RASGRP1: variants seen among roughly 807,000 people sequenced by gnomAD.
RASGRP1 encodes RAS guanyl releasing protein 1.
RASGRP1 carries 37 observed loss-of-function variants against 95.1 expected under a neutral mutation model. That is an observed-to-expected ratio of 0.39 (90% CI 0.30 to 0.51). The LOEUF is 0.51. Ranked by LOEUF, RASGRP1 falls within the 20% of genes least tolerant of loss-of-function variation. RASGRP1 has a pLI of 0.80. For synonymous variants in RASGRP1, 325 were observed against 353.4 expected, an observed-to-expected ratio of 0.92 and a Z score of 0.90; for missense variants, 711 against 965.4, an observed-to-expected ratio of 0.74 and a Z score of 3.49.
chr15:38,548,876 A>G (rs1291074956), intron 2 of RASGRP1, among the ~76,000 whole-genome samples: 2 of 152,228 alleles, frequency 1.3e-5, no homozygotes, highest in African/African-American at 4.8e-5. Flanking sequence ...TCTCAGGTAG[A>G]CACTGGTAGT....
At position 38,513,641 on chromosome 15, in the gene RASGRP1, G is replaced by C. The variant is rs117007309; in HGVS notation, c.676-685C>G. Among the ~76,000 whole-genome samples, 939 of 152,284 alleles carry C rather than the reference G, an allele frequency of 6.2e-3. 9 individuals are homozygous for C. Among genetic ancestry groups the C allele is most frequent in the Middle Eastern group, 0.014 (4 of 294 alleles). On this transcript the variant is annotated intron_variant, in intron 6 of 16. Transcript: ENST00000310803. ...GGTTTCCCAAGTTGACAATAGCATT[G>C]ACTACAGTTGGCAATGAAACAACAT...
intron 1 of RASGRP1, chr15:38,560,288 G>GC: frequency 2.2e-6 from 1 of 453,170 alleles, no homozygotes; most frequent in Non-Finnish European, 4.1e-6. Context: ...AATGGCAGAG[G>GC]CAAGACTATC....
intron 2 of RASGRP1, among the ~76,000 whole-genome samples, chr15:38,539,858 G>A (rs2141164392): frequency 6.6e-6 from 1 of 152,268 alleles, no homozygotes; most frequent in South Asian, 2.1e-4. Context: ...TACTGAGAAT[G>A]ATGATTTCCA....
intron 11 of RASGRP1, 94 bp downstream of exon 11, chr15:38,503,178 T>C: frequency 9.8e-7 from 1 of 1,023,530 alleles, no homozygotes; most frequent in South Asian, 1.5e-5. Context: ...TGCCTTTACA[T>C]TTCCACCATT....
intron 6 of RASGRP1, among the ~76,000 whole-genome samples, chr15:38,515,702 A>G (rs941522457): frequency 6.6e-6 from 1 of 151,074 alleles, no homozygotes; most frequent in Non-Finnish European, 1.5e-5. Flanking sequence ...CTATTTTGGG[A>G]TTTCCCAGAG....
intron 2 of RASGRP1, among the ~76,000 whole-genome samples, chr15:38,537,094 A>G (rs1387429447): frequency 2.0e-5 from 3 of 151,238 alleles, no homozygotes; most frequent in Non-Finnish European, 4.4e-5. Context: ...GACTGGAACC[A>G]TGATTTTTTT....
intron 6 of RASGRP1, among the ~76,000 whole-genome samples, chr15:38,514,128 G>A (rs891885894): frequency 6.6e-6 from 1 of 151,944 alleles, no homozygotes; most frequent in Non-Finnish European, 1.5e-5. Flanking sequence ...TGGGTGGGTG[G>A]GGGGTTATTA....
rs537073868 is a variant in RASGRP1 at position 38,512,542 on chromosome 15, TAAAA to T, written c.849+237_849+240del. ...AAAATGTTAAAGGTCTAAACAGATCTAAAACTGGATCCTGACCCCTGATATGGCC... is the reference window on the plus strand; with the variant it reads ...AAAATGTTAAAGGTCTAAACAGATCTCTGGATCCTGACCCCTGATATGGCC... On this transcript the variant is annotated intron_variant, in intron 7 of 16. Transcript: ENST00000310803. Among the ~76,000 whole-genome samples, 389 of 152,302 alleles carry T rather than the reference TAAAA, an allele frequency of 2.6e-3. 2 individuals are homozygous for T. Among genetic ancestry groups the T allele is most frequent in the African/African-American group, 9.1e-3 (377 of 41,568 alleles).
At position 38,507,830 on chromosome 15, in the gene RASGRP1, C is replaced by G; in HGVS notation, c.1138G>C (p.Val380Leu). The G allele has an allele frequency of 6.2e-7, 1 of 1,613,354 alleles. No homozygotes were observed. Among genetic ancestry groups the G allele is most frequent in the African/African-American group, 1.3e-5 (1 of 75,004 alleles). ...PDYLEDGKVN[V>L]HKLLALYNHI... ...TTGTATAGGGCCAGTAGCTTATGGACGTTCACTTTCCCGTCCTCCAGATAG... is the reference window on the plus strand; with the variant it reads ...TTGTATAGGGCCAGTAGCTTATGGAGGTTCACTTTCCCGTCCTCCAGATAG... The change falls in exon 9 of 17, where the codon GTC becomes CTC. Residue 380 changes from valine (V) to leucine (L), a missense_variant. Around this residue, in one of 3 missense-constraint regions of RASGRP1, gnomAD observed 491 missense variants for 676.6 expected, o/e 0.73. Coordinates refer to ENST00000310803, the MANE Select transcript of RASGRP1 (RefSeq NM_005739.4).
intron 12 of RASGRP1, chr15:38,501,536 T>C (rs554209313): frequency 1.6e-6 from 1 of 620,544 alleles, no homozygotes; most frequent in Non-Finnish European, 3.0e-6. Context: ...TTTCCCTAAC[T>C]AACTTGACCA....
intron 1 of RASGRP1, among the ~76,000 whole-genome samples, chr15:38,564,383 C>A (rs1178251053): frequency 9.2e-5 from 14 of 152,156 alleles, no homozygotes; most frequent in Admixed American, 9.2e-4. Flanking sequence ...CCTCTACCAC[C>A]CCTCAGCCCC....
At chr15:38,522,180 G>C (rs1197538742) in intron 3 of RASGRP1, among the ~76,000 whole-genome samples, 1 of 152,134 alleles carries the variant, frequency 6.6e-6, no homozygotes, top group East Asian at 1.9e-4. Context: ...TCTAGCGGGG[G>C]AGACGACACA....
intron 6 of RASGRP1, among the ~76,000 whole-genome samples, chr15:38,515,899 G>C (rs75774853): frequency 0.012 from 1,668 of 141,864 alleles, 20 homozygotes; most frequent in Non-Finnish European, 0.02. Context: ...GAGAGAGAGA[G>C]AGAGAGAGAG....
At chr15:38,535,732 G>A (rs4075804) in intron 2 of RASGRP1, among the ~76,000 whole-genome samples, 13,895 of 152,220 alleles carry the variant, frequency 0.091, 2,142 homozygotes, top group African/African-American at 0.32. Flanking sequence ...TGGATGAGCA[G>A]TTGAAGTCTA....
chr15:38,499,980 C>CT (rs1385453889), intron 14 of RASGRP1, 123 bp downstream of exon 14: 4 of 927,920 alleles, frequency 4.3e-6, no homozygotes, highest in Admixed American at 1.8e-5. Flanking sequence ...CTCACCAGCC[C>CT]TGTGGAACTG....
chr15:38,507,589 CTA>C, intron 9 of RASGRP1, 135 bp downstream of exon 9: 1 of 1,000,184 alleles, frequency 1.0e-6, no homozygotes, highest in Non-Finnish European at 1.4e-6. Context: ...GTATCCCTAG[CTA>C]TATGTTGGAG....
At chr15:38,502,766 C>G in intron 11 of RASGRP1, 1 of 248,558 alleles carries the variant, frequency 4.0e-6, no homozygotes, top group Non-Finnish European at 7.8e-6. Context: ...TGAGAAGCTT[C>G]TACAAACAGC....
chr15:38,539,966 G>GAGTGC (rs1892802274), intron 2 of RASGRP1, among the ~76,000 whole-genome samples: 1 of 152,024 alleles, frequency 6.6e-6, no homozygotes, highest in South Asian at 2.1e-4. Flanking sequence ...GCCCAGGCCG[G>GAGTGC]AGTGCAGTGG....
chr15:38,509,663 T>G (rs1053926717), intron 8 of RASGRP1, among the ~76,000 whole-genome samples: 1 of 152,108 alleles, frequency 6.6e-6, no homozygotes, highest in Non-Finnish European at 1.5e-5. Context: ...GAGGCGGAGA[T>G]TCCAGTGAGC....
Sources: allele counts gnomAD v4.1 joint callset (sites outside exome capture counted in the v4.1 genomes callset), GRCh38; gene constraint gnomAD v4.1.1; regional missense constraint gnomAD v4.1.1; transcripts MANE v1.5; gene names NCBI Gene and HGNC (gene_info 2026-07-23, HGNC 2026-07-21).